PCIF1: variants seen among roughly 807,000 people sequenced by gnomAD.
The protein encoded by PCIF1 is mRNA (2'-O-methyladenosine-N(6)-)-methyltransferase.
Under a neutral mutation model 86.9 loss-of-function variants are expected in PCIF1, and 12 were observed. The observed-to-expected ratio is 0.14, with a 90% CI of 0.09 to 0.22. PCIF1 has a LOEUF of 0.22. PCIF1 is among the 10% of genes least tolerant of loss of function. The probability of loss-of-function intolerance (pLI) is 1.00; values close to 1 mark genes in which losing one functional copy is unlikely to be tolerated. For missense variants in PCIF1, 701 were observed against 951.1 expected (o/e 0.74, Z 3.46); for synonymous variants, 397 against 372.0 (o/e 1.07, Z -0.77).
intron 7 of PCIF1, 131 bp from the exon 8 acceptor site, chr20:45,942,966 T>C: frequency 1.1e-6 from 1 of 933,438 alleles, no homozygotes; most frequent in Non-Finnish European, 1.6e-6. Context: ...TTTTGGGAAA[T>C]GCAGCCTAGA....
chr20:45,940,197 G>A (rs2083457640), intron 4 of PCIF1, among the ~76,000 whole-genome samples: 1 of 152,196 alleles, frequency 6.6e-6, no homozygotes. Flanking sequence ...GCCATGTTAA[G>A]CAGGTCATAT....
intron 7 of PCIF1, among the ~76,000 whole-genome samples, chr20:45,942,590 C>T (rs1280176328): frequency 6.6e-6 from 1 of 152,022 alleles, no homozygotes; most frequent in African/African-American, 2.4e-5. Flanking sequence ...GCTGGGATTA[C>T]AGGCGTGAGC....
intron 2 of PCIF1, among the ~76,000 whole-genome samples, chr20:45,938,318 A>C (rs1444110182): frequency 2.0e-5 from 3 of 152,182 alleles, no homozygotes; most frequent in Non-Finnish European, 2.9e-5. Flanking sequence ...AAATAAGGTG[A>C]CCAATTAGAT....
Position 45,943,263 on chromosome 20 carries a change from G to C in PCIF1, c.821+19G>C, listed in dbSNP as rs1215582374. ...CTATCAGGTACAGCTCCACAGCTGG[G>C]GATGACCCTGGGCCATTTGGTTTCT... On this transcript the variant is annotated intron_variant, in intron 8 of 16. Coordinates refer to ENST00000372409, the MANE Select transcript of PCIF1 (RefSeq NM_022104.4). This position sits in a 1 kb window ranked among gnomAD's most constrained non-coding sequence, Gnocchi z 5.5. The C allele has an allele frequency of 6.2e-7, 1 of 1,614,058 alleles. No homozygotes were observed. Among genetic ancestry groups the C allele is most frequent in the Non-Finnish European group, 8.5e-7 (1 of 1,180,036 alleles).
chr20:45,945,092 G>A, intron 11 of PCIF1, 62 bp downstream of exon 11: 1 of 1,496,598 alleles, frequency 6.7e-7, no homozygotes, highest in South Asian at 1.3e-5. Flanking sequence ...CTGATGGAAG[G>A]GACAAGTGAG....
At chr20:45,938,857 G>A in intron 2 of PCIF1, 124 bp from the exon 3 acceptor site, 2 of 1,284,478 alleles carry the variant, frequency 1.6e-6, no homozygotes, top group South Asian at 1.3e-5. Context: ...GCACCATGCT[G>A]GCCCTCCAGG....
At chr20:45,935,488 T>TA (rs1315570798) in intron 1 of PCIF1, among the ~76,000 whole-genome samples, 8 of 152,138 alleles carry the variant, frequency 5.3e-5, no homozygotes. Flanking sequence ...TAAGAGCAGT[T>TA]ATGTCTTACT....
At chr20:45,937,359 C>G in intron 1 of PCIF1, 59 bp from the exon 2 acceptor site, 1 of 399,170 alleles carries the variant, frequency 2.5e-6, no homozygotes. Context: ...TTTTGTCCCT[C>G]TTGTCCCTGC....
chr20:45,947,467 G>A lies in PCIF1; in HGVS notation c.1883+29G>A, dbSNP rs756482143. On this transcript the variant is annotated intron_variant, in intron 16 of 16. Coordinates refer to ENST00000372409, the MANE Select transcript of PCIF1 (RefSeq NM_022104.4). This position sits in a 1 kb window ranked among gnomAD's most constrained non-coding sequence, Gnocchi z 5.4. The stretch of plus-strand genomic sequence containing the variant: ...GGTGCCAGGGAGGGCAGGGGAAGGA[G>A]GCTGGGCTGGCCAGGCCAGGCCCAG... 2 of 1,613,300 alleles carry A rather than the reference G, an allele frequency of 1.2e-6. No homozygotes were observed. The highest frequency in any genetic ancestry group is 1.7e-5 in the Admixed American group (1 of 60,006).
chr20:45,940,981 G>C (rs755001972), intron 6 of PCIF1, 42 bp downstream of exon 6: 1 of 1,614,092 alleles, frequency 6.2e-7, no homozygotes, highest in Non-Finnish European at 8.5e-7. Context: ...CATTGCTAAT[G>C]TCAGCCTGTC....
chr20:45,944,761 G>A (rs2083505489), intron 10 of PCIF1, 107 bp from the exon 11 acceptor site: 2 of 1,246,874 alleles, frequency 1.6e-6, no homozygotes, highest in African/African-American at 1.5e-5. Context: ...AGCAGAGCTG[G>A]TTTCAAAACA....
At chr20:45,944,793 C>T in intron 10 of PCIF1, 75 bp from the exon 11 acceptor site, 1 of 1,509,392 alleles carries the variant, frequency 6.6e-7, no homozygotes, top group Admixed American at 1.9e-5. Context: ...ACTCCAACAG[C>T]CCTGCGGTTA....
intron 11 of PCIF1, among the ~76,000 whole-genome samples, chr20:45,945,480 C>T (rs1028947699): frequency 4.6e-5 from 7 of 152,268 alleles, no homozygotes; most frequent in East Asian, 1.9e-4. Flanking sequence ...GCACGGCATA[C>T]GGGGCCCTGC....
chr20:45,947,080 C>G lies in PCIF1; in HGVS notation c.1621C>G (p.Leu541Val). Reference sequence around the variant, plus strand: ...GCTCACTCCTGTCCCCAGGCCCTGCCTAGACTTTGCTCCACTGAGTGGTTC... The same window carrying G: ...GCTCACTCCTGTCCCCAGGCCCTGCGTAGACTTTGCTCCACTGAGTGGTTC... Reference protein sequence around the residue: ...DGYFGSRGPCLDFAPLSGSFE... With the variant: ...DGYFGSRGPCVDFAPLSGSFE... The change falls in exon 15 of 17, where the codon CTA becomes GTA. Residue 541 changes from leucine (L) to valine (V), a missense_variant. Leu to Val is a conservative substitution (Grantham distance 32). Around this residue, in one of 7 missense-constraint regions of PCIF1, gnomAD observed 61 missense variants for 118.5 expected, o/e 0.51. Coordinates refer to ENST00000372409, the MANE Select transcript of PCIF1 (RefSeq NM_022104.4). This position sits in a 1 kb window ranked among gnomAD's most constrained non-coding sequence, Gnocchi z 5.4. 6.2e-7 allele frequency: 1 copy of G among 1,610,974 alleles called. No individual in the cohort carries two copies. Among genetic ancestry groups the G allele is most frequent in the Non-Finnish European group, 8.5e-7 (1 of 1,177,522 alleles).
Position 45,947,373 on chromosome 20 carries a change from C to T in PCIF1, c.1818C>T (p.Arg606=), listed in dbSNP as rs781351585. The change falls in exon 16 of 17, where the codon CGC becomes CGT. Residue 606 remains arginine, a synonymous_variant. Transcript: ENST00000372409. The surrounding 1 kb of genome is among the most constrained non-coding windows in gnomAD (Gnocchi z 5.4). ...LTRMEQSRFK[R]HQLILPAFEH... The stretch of plus-strand genomic sequence containing the variant: ...GCATGGAGCAGAGCCGCTTCAAACG[C>T]CACCAGTTGATCCTGCCTGCCTTTG... 3.1e-6 allele frequency: 5 copies of T among 1,614,042 alleles called. No individual in the cohort carries two copies. The highest frequency in any genetic ancestry group is 2.7e-5 in the African/African-American group (2 of 75,074).
chr20:45,941,723 G>T (rs997884462), intron 7 of PCIF1, among the ~76,000 whole-genome samples: 4 of 152,080 alleles, frequency 2.6e-5, no homozygotes, highest in African/African-American at 9.7e-5. Flanking sequence ...CTCCCACAGT[G>T]CTGGGATTAC....
intron 2 of PCIF1, 113 bp from the exon 3 acceptor site, chr20:45,938,868 A>T (rs1319029177): frequency 7.1e-7 from 1 of 1,415,292 alleles, no homozygotes; most frequent in Non-Finnish European, 9.7e-7. Context: ...GCCCTCCAGG[A>T]TAGGACCTGA....
Position 45,947,934 on chromosome 20 carries a change from T to TATA in PCIF1, c.*180_*182dup. 6.5e-7 allele frequency: 1 copy of TATA among 1,533,290 alleles called. No homozygotes were observed. Among genetic ancestry groups the TATA allele is most frequent in the Non-Finnish European group, 8.7e-7 (1 of 1,146,036 alleles). 95.0% of individuals were successfully genotyped at this position (1,533,290 alleles called of 1,614,324 possible). On this transcript the variant is annotated 3_prime_UTR_variant, in exon 17 of 17. Coordinates refer to ENST00000372409, the MANE Select transcript of PCIF1 (RefSeq NM_022104.4). This position sits in a 1 kb window ranked among gnomAD's most constrained non-coding sequence, Gnocchi z 5.4. ...TCAAACTCCCTCCAAGTCCCATGTA[T>TATA]ATAGGTCCTGATGCCTTCCCAACCC... is the stretch of plus-strand genomic sequence containing the variant.
At position 45,937,600 on chromosome 20, in the gene PCIF1, G is replaced by T; in HGVS notation, c.-20+15G>T. Reference sequence around the variant, plus strand: ...GACCCCAGAGGGTGAGAGAAAGGGGGACTTCATTCAGTCTTGAAACCTGTG... The same window carrying T: ...GACCCCAGAGGGTGAGAGAAAGGGGTACTTCATTCAGTCTTGAAACCTGTG... On this transcript the variant is annotated intron_variant, in intron 2 of 16. Transcript: ENST00000372409. 1 of 398,820 alleles carries T rather than the reference G, an allele frequency of 2.5e-6. No individual in the cohort carries two copies. The highest frequency in any genetic ancestry group is 1.3e-4 in the South Asian group (1 of 7,846). 24.7% of individuals were successfully genotyped at this position (398,820 alleles called of 1,614,324 possible).
Sources: gnomAD v4.1 joint callset for allele counts (sites outside exome capture counted in the v4.1 genomes callset) on GRCh38, gnomAD v4.1.1 for gene constraint, gnomAD v4.1.1 regional missense constraint, Gnocchi (gnomAD v3.1) non-coding constraint, MANE v1.5 for transcripts, NCBI Gene and HGNC (gene_info 2026-07-23, HGNC 2026-07-21) for gene names.